COL19A1: variants seen among roughly 807,000 people sequenced by gnomAD.
COL19A1 encodes the protein collagen type XIX alpha 1 chain.
In COL19A1, 159 loss-of-function variants were observed where a neutral mutation model predicts 190.2. That is an observed-to-expected ratio of 0.84 (90% CI 0.73 to 0.95). The LOEUF is 0.95. Ranked by LOEUF, COL19A1 falls within the 40% of genes least tolerant of loss-of-function variation. The pLI, the probability that COL19A1 is intolerant of heterozygous loss-of-function variation, is 0.00. For synonymous variants in COL19A1, 509 were observed against 458.9 expected (o/e 1.11, Z -1.39); for missense variants, 1,418 against 1,431.9 (o/e 0.99, Z 0.16).
At chr6:70,090,321 A>G (rs181277197) in intron 15 of COL19A1, among the ~76,000 whole-genome samples, 1 of 152,328 alleles carries the variant, frequency 6.6e-6, no homozygotes, top group East Asian at 1.9e-4. Context: ...ATCTTACTGA[A>G]CATGTACAGA....
intron 11 of COL19A1, among the ~76,000 whole-genome samples, chr6:69,988,234 G>T (rs1320953489): frequency 6.6e-6 from 1 of 152,120 alleles, no homozygotes; most frequent in Non-Finnish European, 1.5e-5. Context: ...GCAGTGAAAA[G>T]GTTACATGTC....
intron 48 of COL19A1, among the ~76,000 whole-genome samples, chr6:70,196,240 A>C (rs888034881): frequency 5.3e-5 from 8 of 152,212 alleles, no homozygotes; most frequent in African/African-American, 1.7e-4. Flanking sequence ...TGGTTTCCAC[A>C]TTTAGGAGAC....
chr6:70,160,581 C>A (rs1787736606), intron 34 of COL19A1, among the ~76,000 whole-genome samples: 1 of 152,156 alleles, frequency 6.6e-6, no homozygotes. Flanking sequence ...CTTGTCTATT[C>A]CACTCTGTCA....
Position 70,210,388 on chromosome 6 carries a change from G to A in COL19A1, c.*3114G>A, listed in dbSNP as rs565767887. 3.1e-4 allele frequency among the ~76,000 whole-genome samples: 47 copies of A among 152,200 alleles called. No homozygotes were observed. Among genetic ancestry groups the A allele is most frequent in the African/African-American group, 1.0e-3 (42 of 41,524 alleles). On this transcript the variant is annotated 3_prime_UTR_variant, in exon 51 of 51. Coordinates refer to ENST00000620364, the MANE Select transcript of COL19A1 (RefSeq NM_001858.6). ...AAGGCAGTAACCATTACTTCTAACC[G>A]TAACACAAACACAGCAAGTTTTAAC...
intron 14 of COL19A1, among the ~76,000 whole-genome samples, chr6:70,037,281 G>A (rs1779403572): frequency 2.0e-5 from 3 of 151,944 alleles, no homozygotes; most frequent in Admixed American, 2.0e-4. Context: ...TCAGCCTCCT[G>A]AGTAGCTGGG....
chr6:70,142,831 T>G lies in COL19A1; in HGVS notation c.1626+11T>G. 6.2e-7 allele frequency: 1 copy of G among 1,609,086 alleles called. No homozygotes were observed. Among genetic ancestry groups the G allele is most frequent in the Non-Finnish European group, 8.5e-7 (1 of 1,177,186 alleles). ...CCGCCAGGAGATGTTGTATGTATAA[T>G]GTCTTTGATATTTCTGGAATTGAAA... On this transcript the variant is annotated intron_variant, in intron 23 of 50. Coordinates refer to ENST00000620364, the MANE Select transcript of COL19A1 (RefSeq NM_001858.6).
At chr6:69,932,459 G>A (rs938831007) in intron 6 of COL19A1, among the ~76,000 whole-genome samples, 12 of 151,424 alleles carry the variant, frequency 7.9e-5, no homozygotes, top group African/African-American at 2.2e-4. Context: ...CATTTTGTGG[G>A]CATTCTTTAC....
chr6:70,138,019 G>C (rs888589041), intron 19 of COL19A1, among the ~76,000 whole-genome samples: 1 of 152,130 alleles, frequency 6.6e-6, no homozygotes, highest in African/African-American at 2.4e-5. Flanking sequence ...AAAAAACTTT[G>C]CCCAAAGTCA....
chr6:70,202,333 T>C (rs1049909191), intron 49 of COL19A1, among the ~76,000 whole-genome samples: 2 of 152,226 alleles, frequency 1.3e-5, no homozygotes, highest in South Asian at 4.1e-4. Context: ...TTTTAGAACC[T>C]TTCTGCTAAT....
At chr6:69,990,805 A>T (rs1354951738) in intron 11 of COL19A1, among the ~76,000 whole-genome samples, 1 of 152,146 alleles carries the variant, frequency 6.6e-6, no homozygotes, top group Non-Finnish European at 1.5e-5. Flanking sequence ...GCCATTGATC[A>T]TCAATATCTA....
intron 15 of COL19A1, among the ~76,000 whole-genome samples, chr6:70,071,931 CA>C (rs761065997): frequency 3.3e-5 from 5 of 151,920 alleles, no homozygotes; most frequent in Non-Finnish European, 7.4e-5. Flanking sequence ...GAATTGGTGC[CA>C]GGGGAGAGAA....
intron 4 of COL19A1, among the ~76,000 whole-genome samples, chr6:69,911,406 T>C (rs546239016): frequency 6.6e-6 from 1 of 152,312 alleles, no homozygotes; most frequent in South Asian, 2.1e-4. Context: ...CCAAATTAGG[T>C]GACATTTTAA....
rs1768067296 is a variant in COL19A1 at position 70,209,442 on chromosome 6, GTCATAGACATAAA to G, written c.*2169_*2181del. 6.6e-6 allele frequency: 1 copy of G among 151,644 alleles called. No homozygotes were observed. Among genetic ancestry groups the G allele is most frequent in the African/African-American group, 2.4e-5 (1 of 41,256 alleles). The allele number at this position is 151,644 out of a possible 1,614,324, so 9.4% of individuals were successfully genotyped here. Reference sequence around the variant, plus strand: ...GTTTTTTGGTTTTTGAGTTGTTCTTGTCATAGACATAAAAAGACAATTCATTTTCTTGTTTTAT... The same window carrying G: ...GTTTTTTGGTTTTTGAGTTGTTCTTGAAGACAATTCATTTTCTTGTTTTAT... On this transcript the variant is annotated 3_prime_UTR_variant, in exon 51 of 51. Coordinates refer to ENST00000620364, the MANE Select transcript of COL19A1 (RefSeq NM_001858.6).
intron 14 of COL19A1, among the ~76,000 whole-genome samples, chr6:70,063,432 A>G (rs1284767760): frequency 6.6e-6 from 1 of 152,212 alleles, no homozygotes; most frequent in Non-Finnish European, 1.5e-5. Flanking sequence ...TTTGAAACCA[A>G]CGAGAACAAA....
chr6:69,897,327 C>T (rs113244200), intron 2 of COL19A1, among the ~76,000 whole-genome samples: 1 of 152,112 alleles, frequency 6.6e-6, no homozygotes, highest in Admixed American at 6.5e-5. Context: ...TGTGTACCAA[C>T]CCCACAGTAT....
chr6:69,889,734 G>A (rs1321909710), intron 2 of COL19A1, among the ~76,000 whole-genome samples: 2 of 152,146 alleles, frequency 1.3e-5, no homozygotes, highest in African/African-American at 4.8e-5. Flanking sequence ...GTGTCTAAAG[G>A]ATTGTAAACA....
intron 27 of COL19A1, among the ~76,000 whole-genome samples, chr6:70,149,171 G>C (rs1428655555): frequency 6.6e-6 from 1 of 152,030 alleles, no homozygotes; most frequent in Non-Finnish European, 1.5e-5. Flanking sequence ...GGTTACCTAA[G>C]AGCGGTACAA....
chr6:69,986,666 C>T (rs1776333245), intron 11 of COL19A1, among the ~76,000 whole-genome samples: 1 of 152,166 alleles, frequency 6.6e-6, no homozygotes, highest in African/African-American at 2.4e-5. Context: ...TATACTTTGA[C>T]CGCAGAGTTT....
At chr6:69,970,114 T>C (rs1775336731) in intron 11 of COL19A1, among the ~76,000 whole-genome samples, 1 of 152,114 alleles carries the variant, frequency 6.6e-6, no homozygotes, top group South Asian at 2.1e-4. Context: ...GCCTAGGGTG[T>C]AAATATATGG....
Sources: gnomAD v4.1 joint callset for allele counts (sites outside exome capture counted in the v4.1 genomes callset) on GRCh38, gnomAD v4.1.1 for gene constraint, MANE v1.5 for transcripts, NCBI Gene and HGNC (gene_info 2026-07-23, HGNC 2026-07-21) for gene names.